Variants in FCHSD2 observed in about 807,000 individuals in gnomAD.
The protein encoded by FCHSD2 is FCH and double SH3 domains 2.
Under a neutral mutation model 108.1 loss-of-function variants are expected in FCHSD2, and 38 were observed. That is an observed-to-expected ratio of 0.35 (90% CI 0.27 to 0.46). The LOEUF is 0.46. Ranked by LOEUF, FCHSD2 falls within the 20% of genes least tolerant of loss-of-function variation. The pLI is 1.00. For missense variants in FCHSD2, 751 were observed against 897.8 expected, an observed-to-expected ratio of 0.84 and a Z score of 2.09; for synonymous variants, 279 against 314.7, an observed-to-expected ratio of 0.89 and a Z score of 1.20.
At chr11:72,978,910 GCAGTGGTGCGATCTCAGCT>G (rs1275366053) in intron 8 of FCHSD2, among the ~76,000 whole-genome samples, 2 of 141,450 alleles carry the variant, frequency 1.4e-5, no homozygotes, top group Non-Finnish European at 3.0e-5. Flanking sequence ...AGGCTGGAGT[GCAGTGGTGCGATCTCAGCT>G]CACTGCAACC....
At chr11:72,855,315 A>C (rs965142737) in intron 13 of FCHSD2, among the ~76,000 whole-genome samples, 3 of 150,026 alleles carry the variant, frequency 2.0e-5, no homozygotes, top group African/African-American at 5.0e-5. Context: ...AACAAACAAA[A>C]AAGACCAAAA....
intron 4 of FCHSD2, among the ~76,000 whole-genome samples, chr11:73,013,431 T>G (rs914318788): frequency 1.3e-5 from 2 of 152,248 alleles, no homozygotes; most frequent in African/African-American, 4.8e-5. Context: ...GGCTATCTCC[T>G]GTATGCTTAC....
intron 3 of FCHSD2, among the ~76,000 whole-genome samples, chr11:73,066,603 C>T (rs1007125294): frequency 3.3e-5 from 5 of 151,648 alleles, no homozygotes; most frequent in Non-Finnish European, 7.4e-5. Flanking sequence ...TGACAAAGGG[C>T]TAATATCCAG....
intron 2 of FCHSD2, among the ~76,000 whole-genome samples, chr11:73,117,958 TA>T: frequency 6.6e-6 from 1 of 152,324 alleles, no homozygotes; most frequent in Middle Eastern, 3.4e-3. Context: ...TATGCACACA[TA>T]TTATATATAC....
intron 2 of FCHSD2, among the ~76,000 whole-genome samples, chr11:73,101,574 G>A (rs1425955736): frequency 6.6e-6 from 1 of 151,824 alleles, no homozygotes; most frequent in Non-Finnish European, 1.5e-5. Context: ...AGTAGCTGGG[G>A]CTACAGATGC....
chr11:73,133,747 C>T (rs1861056586), intron 2 of FCHSD2, among the ~76,000 whole-genome samples: 1 of 137,900 alleles, frequency 7.3e-6, no homozygotes, highest in Non-Finnish European at 1.5e-5. Context: ...GAGCCGGCAT[C>T]GCGCCACTGC....
intron 9 of FCHSD2, among the ~76,000 whole-genome samples, chr11:72,907,599 G>GGT (rs373531357): frequency 8.7e-6 from 1 of 114,664 alleles, no homozygotes; most frequent in Non-Finnish European, 1.7e-5. Flanking sequence ...AATCACGTGG[G>GGT]TTTTTTTTTT....
intron 3 of FCHSD2, among the ~76,000 whole-genome samples, chr11:73,041,239 A>C (rs887970356): frequency 1.3e-5 from 2 of 152,182 alleles, no homozygotes; most frequent in Non-Finnish European, 2.9e-5. Context: ...CTTTGGATAA[A>C]TATCCAGTAA....
At chr11:73,041,920 GATT>G (rs1176231227) in intron 3 of FCHSD2, among the ~76,000 whole-genome samples, 2 of 151,890 alleles carry the variant, frequency 1.3e-5, no homozygotes, top group Non-Finnish European at 2.9e-5. Flanking sequence ...TCCACTTTGA[GATT>G]ATTATTATTT....
chr11:72,850,031 C>G, intron 13 of FCHSD2, 142 bp from the exon 14 acceptor site: 1 of 439,772 alleles, frequency 2.3e-6, no homozygotes, highest in Non-Finnish European at 4.0e-6. Context: ...TTCGCACTTA[C>G]ATTTTTCATG....
intron 5 of FCHSD2, among the ~76,000 whole-genome samples, chr11:72,994,896 T>C (rs140486256): frequency 2.0e-5 from 3 of 152,326 alleles, no homozygotes; most frequent in African/African-American, 2.4e-5. Context: ...TACAATTCAG[T>C]GGTGACAAGG....
intron 3 of FCHSD2, among the ~76,000 whole-genome samples, chr11:73,028,235 C>T (rs1000268453): frequency 6.6e-6 from 1 of 152,216 alleles, no homozygotes; most frequent in African/African-American, 2.4e-5. Flanking sequence ...GTGCTGTACC[C>T]TGCAGAGCCA....
chr11:73,101,167 G>C (rs562532450), intron 2 of FCHSD2, among the ~76,000 whole-genome samples: 13 of 152,158 alleles, frequency 8.5e-5, no homozygotes, highest in Non-Finnish European at 1.9e-4. Flanking sequence ...GTTTAGTTCC[G>C]ACCTGAAGGA....
intron 4 of FCHSD2, among the ~76,000 whole-genome samples, chr11:73,002,252 T>C (rs1170501199): frequency 1.3e-5 from 2 of 152,202 alleles, no homozygotes; most frequent in African/African-American, 4.8e-5. Context: ...TTTTCAACCA[T>C]GGAGTCTTAC....
intron 13 of FCHSD2, among the ~76,000 whole-genome samples, chr11:72,857,165 G>A (rs1321202986): frequency 6.6e-6 from 1 of 152,174 alleles, no homozygotes; most frequent in Non-Finnish European, 1.5e-5. Flanking sequence ...GCCAGCAATA[G>A]CGGTCACTGT....
chr11:73,046,075 C>T (rs1013302322), intron 3 of FCHSD2, among the ~76,000 whole-genome samples: 2 of 150,214 alleles, frequency 1.3e-5, no homozygotes, highest in East Asian at 1.9e-4. Flanking sequence ...ACTGCCACTT[C>T]GAATTACTGG....
chr11:72,851,117 A>AAT (rs2135172119), intron 13 of FCHSD2, among the ~76,000 whole-genome samples: 1 of 151,332 alleles, frequency 6.6e-6, no homozygotes, highest in African/African-American at 2.4e-5. Context: ...AAAAAAAAAA[A>AAT]AAAAAAAGGT....
At chr11:72,961,969 A>G (rs1021620113) in intron 8 of FCHSD2, among the ~76,000 whole-genome samples, 9 of 152,234 alleles carry the variant, frequency 5.9e-5, no homozygotes, top group African/African-American at 2.2e-4. Flanking sequence ...TGCATCCCTG[A>G]AAGTATCTAA....
chr11:72,857,184 T>C (rs1006263228), intron 13 of FCHSD2, among the ~76,000 whole-genome samples: 3 of 152,222 alleles, frequency 2.0e-5, no homozygotes, highest in African/African-American at 7.2e-5. Context: ...GTCATATGCT[T>C]CTGCATTGCT....
Sources: allele counts gnomAD v4.1 joint callset (sites outside exome capture counted in the v4.1 genomes callset), GRCh38; gene constraint gnomAD v4.1.1; transcripts MANE v1.5; gene names NCBI Gene and HGNC (gene_info 2026-07-23, HGNC 2026-07-21).